The following CA8 variants were observed in gnomAD, a reference collection of about 807,000 sequenced individuals.
CA8 encodes the protein carbonic anhydrase 8 (inactive), also known as carbonic anhydrase-related protein.
CA8 carries 22 observed loss-of-function variants against 41.4 expected under a neutral mutation model. The observed-to-expected ratio is 0.53, with a 90% confidence interval of 0.38 to 0.76. CA8 has a LOEUF of 0.76. CA8 is among the 30% of genes least tolerant of loss of function. The pLI, the probability that CA8 is intolerant of heterozygous loss-of-function variation, is 0.00. For missense variants in CA8, 270 were observed against 352.8 expected (o/e 0.77, Z 1.88); for synonymous variants, 121 against 130.6 (o/e 0.93, Z 0.50).
chr8:60,211,339 A>G (rs1191201137), intron 7 of CA8, among the ~76,000 whole-genome samples: 2 of 152,212 alleles, frequency 1.3e-5, no homozygotes, highest in African/African-American at 4.8e-5. Flanking sequence ...AAGTATTTAT[A>G]ATAAACCAAT....
intron 8 of CA8, among the ~76,000 whole-genome samples, chr8:60,193,135 A>T (rs1049949278): frequency 2.0e-5 from 3 of 151,442 alleles, no homozygotes; most frequent in African/African-American, 7.3e-5. Flanking sequence ...TTCCTGCACA[A>T]CATTTTGTTT....
At chr8:60,221,057 C>T (rs1807227695) in intron 7 of CA8, among the ~76,000 whole-genome samples, 1 of 152,206 alleles carries the variant, frequency 6.6e-6, no homozygotes, top group Non-Finnish European at 1.5e-5. Flanking sequence ...CTGTGTTAAG[C>T]CACTGACATT....
At chr8:60,263,413 G>A (rs1423212899) in intron 3 of CA8, among the ~76,000 whole-genome samples, 1 of 150,952 alleles carries the variant, frequency 6.6e-6, no homozygotes, top group Non-Finnish European at 1.5e-5. Context: ...TAACAAGCCA[G>A]CCATTTAATT....
intron 8 of CA8, among the ~76,000 whole-genome samples, chr8:60,200,721 G>A (rs1806398709): frequency 6.8e-6 from 1 of 146,620 alleles, no homozygotes; most frequent in African/African-American, 2.4e-5. Context: ...TTTTGTGGAT[G>A]ACAATAACTA....
chr8:60,281,204 G>T lies in CA8; in HGVS notation c.-57C>A. On this transcript the variant is annotated 5_prime_UTR_variant, in exon 1 of 9. Coordinates refer to ENST00000317995, the MANE Select transcript of CA8 (RefSeq NM_004056.6). Reference sequence around the variant, plus strand: ...GCAGCAGTGCCTGCGCCTTCGCTGGGCGCGGGGCTGGAGCCGGAGCGGAGC... The same window carrying T: ...GCAGCAGTGCCTGCGCCTTCGCTGGTCGCGGGGCTGGAGCCGGAGCGGAGC... The T allele has an allele frequency of 8.0e-7, 1 of 1,248,836 alleles. No individual in the cohort carries two copies. The allele number at this position is 1,248,836 out of a possible 1,614,324, so 77.4% of individuals were successfully genotyped here. A position where few individuals can be genotyped will look rare whatever the true frequency, so the allele number is the denominator to read the frequency against.
intron 8 of CA8, among the ~76,000 whole-genome samples, chr8:60,198,963 T>C (rs181689732): frequency 5.9e-5 from 9 of 152,216 alleles, no homozygotes; most frequent in East Asian, 3.9e-4. Context: ...TAGAGAAACA[T>C]TGGTTGTATC....
intron 8 of CA8, among the ~76,000 whole-genome samples, chr8:60,201,165 G>T (rs1806416804): frequency 6.6e-6 from 1 of 152,216 alleles, no homozygotes; most frequent in African/African-American, 2.4e-5. Flanking sequence ...GCAGGTCTGT[G>T]AAGGAAGACC....
chr8:60,237,321 C>T lies in CA8; in HGVS notation c.418-4942G>A, dbSNP rs78762002. Among the ~76,000 whole-genome samples, 1,323 of 152,262 alleles carry T rather than the reference C, an allele frequency of 8.7e-3. 17 individuals are homozygous for T. The highest frequency in any genetic ancestry group is 0.03 in the African/African-American group (1,242 of 41,548). On this transcript the variant is annotated intron_variant, in intron 3 of 8. Coordinates refer to ENST00000317995, the MANE Select transcript of CA8 (RefSeq NM_004056.6). ...TACTCTTTTTCCTATATTCTTATCA[C>T]GTTTTACTGTTATTAGCATTATATA...
chr8:60,270,303 C>A (rs1804028378), intron 2 of CA8, among the ~76,000 whole-genome samples: 1 of 152,200 alleles, frequency 6.6e-6, no homozygotes. Context: ...ATGAAGCCTG[C>A]AGAGCCACAC....
chr8:60,208,865 C>T lies in CA8; in HGVS notation c.793G>A (p.Gly265Ser). ...THVKGAELVE[G>S]CDGILGDNFR... ...TTGTCTCCCAAAATCCCATCACAGC[C>T]TTCCACAAGTTCTGCCCCCTTAACA... Residue 265 changes from glycine (G) to serine (S), a missense_variant, in exon 8 of 9, where the codon GGC (glycine) becomes AGC (serine). Coordinates refer to ENST00000317995, the MANE Select transcript of CA8 (RefSeq NM_004056.6). 6.2e-7 allele frequency: 1 copy of T among 1,614,150 alleles called. No individual in the cohort carries two copies.
intron 4 of CA8, among the ~76,000 whole-genome samples, chr8:60,228,762 C>T (rs973541561): frequency 2.0e-5 from 3 of 152,184 alleles, no homozygotes; most frequent in Non-Finnish European, 2.9e-5. Flanking sequence ...TCTGGATGCC[C>T]TACAGCATCA....
intron 2 of CA8, among the ~76,000 whole-genome samples, chr8:60,275,195 C>T (rs1460904506): frequency 1.3e-5 from 2 of 152,196 alleles, no homozygotes; most frequent in African/African-American, 4.8e-5. Context: ...CTTTCTTGAT[C>T]ATGGTACTGT....
rs147271164 is a variant in CA8 at position 60,247,242 on chromosome 8, G to A, written c.418-14863C>T. ...ATTTTCTTTTTTTCTTTTAAGTTCC[G>A]GGATACATATGCAGAATGTGCAGGA... On this transcript the variant is annotated intron_variant, in intron 3 of 8. Coordinates refer to ENST00000317995, the MANE Select transcript of CA8 (RefSeq NM_004056.6). Among the ~76,000 whole-genome samples, 252 of 151,986 alleles carry A rather than the reference G, an allele frequency of 1.7e-3. 2 individuals carry two copies. The highest frequency in any genetic ancestry group is 0.011 in the Admixed American group (167 of 15,268).
intron 7 of CA8, among the ~76,000 whole-genome samples, chr8:60,215,422 G>A (rs951805633): frequency 2.0e-5 from 3 of 151,558 alleles, no homozygotes; most frequent in Non-Finnish European, 4.4e-5. Flanking sequence ...GAAAGGGTGG[G>A]AAGGGGGTGA....
chr8:60,277,290 C>A (rs1804270904), intron 2 of CA8, among the ~76,000 whole-genome samples: 1 of 151,706 alleles, frequency 6.6e-6, no homozygotes, highest in Non-Finnish European at 1.5e-5. Context: ...GGAACAGCAG[C>A]CGTAGGTGGG....
At chr8:60,240,087 A>T (rs772162145) in intron 3 of CA8, among the ~76,000 whole-genome samples, 1 of 152,224 alleles carries the variant, frequency 6.6e-6, no homozygotes, top group Admixed American at 6.5e-5. Flanking sequence ...TGAGATAACG[A>T]AAGAGGGACT....
At chr8:60,266,320 CA>C (rs1470786825) in intron 2 of CA8, among the ~76,000 whole-genome samples, 1 of 152,188 alleles carries the variant, frequency 6.6e-6, no homozygotes, top group African/African-American at 2.4e-5. Context: ...TGTGTGTTTT[CA>C]GTCTAGAAGT....
chr8:60,241,143 G>A (rs926184934), intron 3 of CA8, among the ~76,000 whole-genome samples: 1 of 152,260 alleles, frequency 6.6e-6, no homozygotes, highest in African/African-American at 2.4e-5. Context: ...ATGCTGCTAC[G>A]CTTTAAGTCA....
At chr8:60,209,611 T>C (rs1806764034) in intron 7 of CA8, among the ~76,000 whole-genome samples, 1 of 152,252 alleles carries the variant, frequency 6.6e-6, no homozygotes, top group Admixed American at 6.5e-5. Flanking sequence ...TGGATTCTTA[T>C]GTTACTGTAT....
Sources: gnomAD v4.1 joint callset for allele counts (sites outside exome capture counted in the v4.1 genomes callset) on GRCh38, gnomAD v4.1.1 for gene constraint, MANE v1.5 for transcripts, NCBI Gene and HGNC (gene_info 2026-07-23, HGNC 2026-07-21) for gene names.